Variants in NTN4 observed in about 807,000 individuals in gnomAD.
NTN4 encodes netrin 4, also known as netrin-4.
In NTN4, 32 loss-of-function variants were observed where a neutral mutation model predicts 73.6. The observed-to-expected ratio is 0.44, with a 90% CI of 0.33 to 0.58. NTN4 has a LOEUF of 0.58. Ranked by LOEUF, NTN4 falls within the 20% of genes least tolerant of loss-of-function variation. NTN4 has a pLI of 0.04. For synonymous variants in NTN4, 258 were observed against 287.5 expected (o/e 0.90, Z 1.04); for missense variants, 654 against 798.3 (o/e 0.82, Z 2.18).
rs1427094143 is a variant in NTN4 at position 95,753,902 on chromosome 12, A to G, written c.586-15758T>C. On this transcript the variant is annotated intron_variant, in intron 2 of 9. Coordinates refer to ENST00000343702, the MANE Select transcript of NTN4 (RefSeq NM_021229.4). ...CCCAAAAAAACTTGTCATCCCTACT[A>G]TCTTCTGTCTAGTCATACTCCTATT... Among the ~76,000 whole-genome samples the G allele has an allele frequency of 2.0e-5, 3 of 152,074 alleles. No individual in the cohort carries two copies. In the South Asian group the frequency reaches 6.2e-4, roughly 32 times the overall value.
chr12:95,696,593 A>G (rs1056694659), intron 5 of NTN4, among the ~76,000 whole-genome samples: 6 of 152,126 alleles, frequency 3.9e-5, no homozygotes, highest in African/African-American at 1.4e-4. Flanking sequence ...TACATTAATA[A>G]ATGAACGTGC....
At chr12:95,740,503 G>C (rs2078816237) in intron 2 of NTN4, among the ~76,000 whole-genome samples, 1 of 152,162 alleles carries the variant, frequency 6.6e-6, no homozygotes, top group South Asian at 2.1e-4. Context: ...TGCGCTTTTT[G>C]ACCAGGTTCA....
intron 9 of NTN4, among the ~76,000 whole-genome samples, chr12:95,665,266 C>A (rs1054903920): frequency 2.6e-5 from 4 of 152,246 alleles, no homozygotes; most frequent in Admixed American, 2.6e-4. Context: ...TAAAATCCTA[C>A]AGTTTTTGTT....
At chr12:95,682,197 C>T (rs1309121316) in intron 7 of NTN4, among the ~76,000 whole-genome samples, 2 of 150,860 alleles carry the variant, frequency 1.3e-5, no homozygotes, top group African/African-American at 4.9e-5. Context: ...GCTGGGACTA[C>T]AGGCGTGCAC....
At chr12:95,697,786 C>A (rs1451819142) in intron 5 of NTN4, among the ~76,000 whole-genome samples, 1 of 151,980 alleles carries the variant, frequency 6.6e-6, no homozygotes, top group Admixed American at 6.5e-5. Context: ...GTCATGGGAT[C>A]TTTGTAGTCA....
intron 3 of NTN4, among the ~76,000 whole-genome samples, chr12:95,728,791 G>T (rs974044288): frequency 1.3e-5 from 2 of 152,146 alleles, no homozygotes; most frequent in Admixed American, 1.3e-4. Context: ...TGTTGGAGGT[G>T]GGGCCTGGTG....
At chr12:95,661,359 A>G (rs2078136724) in intron 9 of NTN4, among the ~76,000 whole-genome samples, 1 of 152,250 alleles carries the variant, frequency 6.6e-6, no homozygotes, top group Non-Finnish European at 1.5e-5. Flanking sequence ...AAAGAATTAG[A>G]AAAACATCAT....
intron 1 of NTN4, among the ~76,000 whole-genome samples, chr12:95,788,053 T>C (rs976053742): frequency 1.3e-5 from 2 of 152,220 alleles, no homozygotes; most frequent in Non-Finnish European, 2.9e-5. Context: ...CAATATGAGA[T>C]ATTTAATAAA....
intron 2 of NTN4, chr12:95,739,950 G>A (rs980421361): frequency 6.6e-6 from 1 of 152,272 alleles, no homozygotes; most frequent in Non-Finnish European, 1.5e-5. Flanking sequence ...AAGGTCTGTA[G>A]GAACTTTGAA....
At chr12:95,710,414 A>G (rs749433213) in intron 5 of NTN4, 27 bp downstream of exon 5, 7 of 1,586,588 alleles carry the variant, frequency 4.4e-6, no homozygotes, top group Non-Finnish European at 6.0e-6. Context: ...AAATCAGCCT[A>G]TTTTCTGGAA....
chr12:95,713,977 CT>C (rs1398705322), intron 3 of NTN4, among the ~76,000 whole-genome samples: 2 of 151,922 alleles, frequency 1.3e-5, no homozygotes, highest in Non-Finnish European at 2.9e-5. Context: ...TTGAGTGCAT[CT>C]TTAATTATTT....
intron 3 of NTN4, among the ~76,000 whole-genome samples, chr12:95,732,242 GTCTT>G (rs1403580019): frequency 1.0e-3 from 82 of 78,634 alleles, no homozygotes; most frequent in African/African-American, 2.2e-3. Flanking sequence ...TTCTTTCTCT[GTCTT>G]TCTTTCTTTC....
rs1054608312 is a variant in NTN4 at position 95,659,002 on chromosome 12, C to A, written c.*84G>T. On this transcript the variant is annotated 3_prime_UTR_variant, in exon 10 of 10. Transcript: ENST00000343702. ...ATATGTTTTGGCACTTTAAAAAATT[C>A]CAGTTTCCTGTCTGAGGTCTTCTTG... 1 of 1,358,608 alleles carries A rather than the reference C, an allele frequency of 7.4e-7. No homozygotes were observed. Among genetic ancestry groups the A allele is most frequent in the Non-Finnish European group, 1.0e-6 (1 of 1,004,804 alleles). 84.2% of individuals were successfully genotyped at this position (1,358,608 alleles called of 1,614,324 possible).
rs556820998 is a variant in NTN4 at position 95,774,455 on chromosome 12, C to T, written c.585+12484G>A. ...GGCTTCAACAGCTATTAGCAGCCATCATGACTTGTAACTACTGCTACTGTG... is the reference window on the plus strand; with the variant it reads ...GGCTTCAACAGCTATTAGCAGCCATTATGACTTGTAACTACTGCTACTGTG... On this transcript the variant is annotated intron_variant, in intron 2 of 9. Coordinates refer to ENST00000343702, the MANE Select transcript of NTN4 (RefSeq NM_021229.4). Among the ~76,000 whole-genome samples, 5 of 152,282 alleles carry T rather than the reference C, an allele frequency of 3.3e-5. No individual in the cohort carries two copies. In the East Asian group the frequency reaches 9.6e-4, roughly 29 times the overall value.
intron 3 of NTN4, among the ~76,000 whole-genome samples, chr12:95,735,858 A>C (rs185094296): frequency 1.0e-3 from 153 of 152,000 alleles, no homozygotes; most frequent in African/African-American, 3.6e-3. Context: ...TTACTTTAAA[A>C]AAAGAAAGTA....
chr12:95,790,036 TG>T lies in NTN4; in HGVS notation c.55+218del. 1 of 446,468 alleles carries T rather than the reference TG, an allele frequency of 2.2e-6. No homozygotes were observed. Among genetic ancestry groups the T allele is most frequent in the Non-Finnish European group, 4.0e-6 (1 of 249,002 alleles). The allele number at this position is 446,468 out of a possible 1,614,324, so 27.7% of individuals were successfully genotyped here. On this transcript the variant is annotated intron_variant, in intron 1 of 9. Transcript: ENST00000343702. The surrounding 1 kb of genome is among the most constrained non-coding windows in gnomAD (Gnocchi z 6.5). ...CCCGGCAGGGCGCACCCAGGATAGC[TG>T]GTTATCCAAGCGCATGTGTATCCCA...
At chr12:95,667,336 C>T (rs114566066) in intron 8 of NTN4, among the ~76,000 whole-genome samples, 2,748 of 151,754 alleles carry the variant, frequency 0.018, 86 homozygotes, top group African/African-American at 0.063. Context: ...GATTACAGGC[C>T]ACCACGCCCG....
At chr12:95,684,703 C>A (rs530603614) in intron 5 of NTN4, among the ~76,000 whole-genome samples, 1 of 152,274 alleles carries the variant, frequency 6.6e-6, no homozygotes, top group South Asian at 2.1e-4. Context: ...GCAGCAGTTT[C>A]TTTGTTCTTG....
intron 3 of NTN4, among the ~76,000 whole-genome samples, chr12:95,726,122 G>T (rs1051862339): frequency 1.3e-5 from 2 of 151,412 alleles, no homozygotes; most frequent in African/African-American, 4.9e-5. Context: ...TAACATTCAC[G>T]TAACATAAAA....
Sources: allele counts gnomAD v4.1 joint callset (sites outside exome capture counted in the v4.1 genomes callset), GRCh38; gene constraint gnomAD v4.1.1; non-coding constraint Gnocchi (gnomAD v3.1); transcripts MANE v1.5; gene names NCBI Gene and HGNC (gene_info 2026-07-23, HGNC 2026-07-21).